VWF: variants seen among roughly 807,000 people sequenced by gnomAD.
The protein encoded by VWF is Factor VIII related antigen.
A neutral mutation model predicts 308.6 loss-of-function variants in VWF; 176 were observed. The observed-to-expected ratio is 0.57, with a 90% CI of 0.50 to 0.65. VWF has a LOEUF of 0.65. Ranked by LOEUF, VWF falls within the 30% of genes least tolerant of loss-of-function variation. The probability of loss-of-function intolerance (pLI) is 0.00; values close to 1 mark genes in which losing one functional copy is unlikely to be tolerated. For missense variants in VWF, 3,146 were observed against 3,648.2 expected, an observed-to-expected ratio of 0.86 and a Z score of 3.55; for synonymous variants, 1,385 against 1,443.4, an observed-to-expected ratio of 0.96 and a Z score of 0.92.
At position 6,075,268 on chromosome 12, in the gene VWF, A is replaced by G; in HGVS notation, c.874+67T>C. On this transcript the variant is annotated intron_variant, in intron 7 of 51. Transcript: ENST00000261405. The surrounding 1 kb of genome is among the most constrained non-coding windows in gnomAD (Gnocchi z 4.7). ...ACGTGACACAGCCCCGAAGCACCCTAAGGGACACCACCCAGGACAGACCGT... is the reference window on the plus strand; with the variant it reads ...ACGTGACACAGCCCCGAAGCACCCTGAGGGACACCACCCAGGACAGACCGT... 3 of 1,602,114 alleles carry G rather than the reference A, an allele frequency of 1.9e-6. No individual in the cohort carries two copies. Among genetic ancestry groups the G allele is most frequent in the Non-Finnish European group, 2.6e-6 (3 of 1,171,734 alleles).
At position 6,092,622 on chromosome 12, in the gene VWF, T is replaced by TGAGAGTGAGAGTGAGAGAGAGAGAGA. The variant is rs1403649370; in HGVS notation, c.657+2837_657+2838insTCTCTCTCTCTCTCACTCTCACTCTC. The stretch of plus-strand genomic sequence containing the variant: ...GCTAGTTAGTGAGTGAGTGAGAGTG[T>TGAGAGTGAGAGTGAGAGAGAGAGAGA]GTGTGTGTGTGTGTGTGTGTGTGTG... On this transcript the variant is annotated intron_variant, in intron 6 of 51. Transcript: ENST00000261405. Among the ~76,000 whole-genome samples the TGAGAGTGAGAGTGAGAGAGAGAGAGA allele has an allele frequency of 6.4e-4, 59 of 91,520 alleles. 2 individuals carry two copies. Among genetic ancestry groups the TGAGAGTGAGAGTGAGAGAGAGAGAGA allele is most frequent in the African/African-American group, 2.9e-3 (55 of 18,906 alleles). 60.0% of individuals were successfully genotyped at this position (91,520 alleles called of 152,430 possible).
At chr12:6,074,755 A>G (rs1051143665) in intron 7 of VWF, among the ~76,000 whole-genome samples, 2 of 152,198 alleles carry the variant, frequency 1.3e-5, no homozygotes, top group African/African-American at 4.8e-5. Context: ...TGACCTCAGA[A>G]GTCCCCACTT....
At position 6,075,682 on chromosome 12, in the gene VWF, T is replaced by C. The variant is rs1214252757; in HGVS notation, c.658-131A>G. The C allele has an allele frequency of 1.0e-5, 10 of 957,934 alleles. No individual in the cohort carries two copies. The highest frequency in any genetic ancestry group is 2.6e-5 in the East Asian group (1 of 38,250). The allele number at this position is 957,934 out of a possible 1,614,324, so 59.3% of individuals were successfully genotyped here. ...CTGGGACAGGCTGGCACCAAGCACATGCATGTGTTCAATGCACCAGCCCAT... is the reference window on the plus strand; with the variant it reads ...CTGGGACAGGCTGGCACCAAGCACACGCATGTGTTCAATGCACCAGCCCAT... On this transcript the variant is annotated intron_variant, in intron 6 of 51. Transcript: ENST00000261405. The surrounding 1 kb of genome is among the most constrained non-coding windows in gnomAD (Gnocchi z 4.7).
intron 10 of VWF, among the ~76,000 whole-genome samples, chr12:6,065,686 A>T (rs1289049091): frequency 6.6e-6 from 1 of 152,186 alleles, no homozygotes; most frequent in Non-Finnish European, 1.5e-5. Context: ...ATGCCTGGCC[A>T]GGGGGAGGCT....
intron 28 of VWF, among the ~76,000 whole-genome samples, chr12:6,017,336 A>G (rs1431268915): frequency 6.6e-6 from 1 of 152,220 alleles, no homozygotes; most frequent in Non-Finnish European, 1.5e-5. Flanking sequence ...ATAAATGCCT[A>G]GTGCTCCTGT....
chr12:6,020,001 A>G lies in VWF; in HGVS notation c.3675-258T>C, dbSNP rs1295706256. ...AGAAACCAAAGCTTTAGCCCATCCT[A>G]GGATATGAAAAAATATACTCGTTGT... is the stretch of plus-strand genomic sequence containing the variant. On this transcript the variant is annotated intron_variant, in intron 27 of 51. Transcript: ENST00000261405. The surrounding 1 kb of genome is among the most constrained non-coding windows in gnomAD (Gnocchi z 4.3). 1.3e-5 allele frequency among the ~76,000 whole-genome samples: 2 copies of G among 152,184 alleles called. No individual in the cohort carries two copies. The highest frequency in any genetic ancestry group is 2.9e-5 in the Non-Finnish European group (2 of 68,018).
Position 6,064,353 on chromosome 12 carries a change from C to A in VWF, c.1325G>T (p.Arg442Leu). ...GCCAGGCAGCCGGACGGTGACGGAG[C>A]GGGTGCACACAGCGTCGCGGTCATC... ...CADDRDAVCT[R>L]SVTVRLPGLH... The change falls in exon 12 of 52, where the codon CGC (arginine) becomes CTC (leucine). Residue 442 changes from arginine to leucine, a missense_variant. Arg to Leu is a moderately radical substitution (Grantham distance 102, BLOSUM62 -2). Transcript: ENST00000261405. The A allele has an allele frequency of 6.2e-7, 1 of 1,614,128 alleles. No individual in the cohort carries two copies. Among genetic ancestry groups the A allele is most frequent in the Non-Finnish European group, 8.5e-7 (1 of 1,180,036 alleles).
chr12:6,072,209 C>T (rs1944789227), intron 9 of VWF, 122 bp downstream of exon 9: 3 of 853,156 alleles, frequency 3.5e-6, no homozygotes, highest in Non-Finnish European at 5.8e-6. Context: ...GCCTCCAACT[C>T]AGTCTCTTCT....
intron 34 of VWF, among the ~76,000 whole-genome samples, chr12:6,004,406 A>G (rs1943905037): frequency 6.6e-6 from 1 of 152,132 alleles, no homozygotes; most frequent in African/African-American, 2.4e-5. Context: ...ACACTCAAAA[A>G]TGAGAATTGA....
chr12:6,004,660 A>G (rs1172625688), intron 34 of VWF, among the ~76,000 whole-genome samples: 21 of 151,996 alleles, frequency 1.4e-4, no homozygotes, highest in Non-Finnish European at 2.9e-4. Context: ...ACTCAATAAT[A>G]AAAGAATTCA....
chr12:5,952,207 C>T, intron 49 of VWF, 184 bp downstream of exon 49: 9 of 871,888 alleles, frequency 1.0e-5, no homozygotes, highest in African/African-American at 1.7e-5. Flanking sequence ...TTAAAACATC[C>T]TATATTGCAG....
intron 3 of VWF, among the ~76,000 whole-genome samples, chr12:6,111,577 G>A (rs1182738024): frequency 6.6e-6 from 1 of 152,030 alleles, no homozygotes; most frequent in East Asian, 1.9e-4. Flanking sequence ...ATCTCACCGT[G>A]TCGCCCAGGC....
rs537062939 is a variant in VWF at position 6,057,456 on chromosome 12, G to A, written c.1730-384C>T. Among the ~76,000 whole-genome samples, 18 of 146,194 alleles carry A rather than the reference G, an allele frequency of 1.2e-4. 2 individuals carry two copies. The South Asian group carries it at 3.9e-3, about 32-fold the overall frequency. Reference sequence around the variant, plus strand: ...AGCTCCCAAGTAGTTGGGATTACAGGCGCGCCCCACCACGCCCGGCAAATT... The same window carrying A: ...AGCTCCCAAGTAGTTGGGATTACAGACGCGCCCCACCACGCCCGGCAAATT... On this transcript the variant is annotated intron_variant, in intron 14 of 51. Transcript: ENST00000261405.
chr12:6,035,445 T>A (rs1944325262), intron 19 of VWF, among the ~76,000 whole-genome samples: 1 of 152,156 alleles, frequency 6.6e-6, no homozygotes, highest in South Asian at 2.1e-4. Context: ...CACTTGTGCG[T>A]CAGAGGTGGT....
At chr12:6,076,100 T>C (rs528262356) in intron 6 of VWF, among the ~76,000 whole-genome samples, 19 of 152,254 alleles carry the variant, frequency 1.2e-4, no homozygotes, top group South Asian at 2.1e-4. Flanking sequence ...CCCCAGGTGA[T>C]TGCTGGGGCC....
chr12:6,033,186 G>A lies in VWF; in HGVS notation c.2685+1502C>T, dbSNP rs565264434. 5.0e-3 allele frequency among the ~76,000 whole-genome samples: 763 copies of A among 152,368 alleles called. 4 individuals carry two copies. The highest frequency in any genetic ancestry group is 7.9e-3 in the Non-Finnish European group (536 of 68,040). ...TGGCGAAGGTTAAAAGAGGAAACAA[G>A]GGTGTAGGTGTTTTATTTGTCCTTA... is the stretch of plus-strand genomic sequence containing the variant. On this transcript the variant is annotated intron_variant, in intron 20 of 51. Coordinates refer to ENST00000261405, the MANE Select transcript of VWF (RefSeq NM_000552.5).
intron 6 of VWF, among the ~76,000 whole-genome samples, chr12:6,078,364 C>G (rs995344317): frequency 6.6e-6 from 1 of 152,158 alleles, no homozygotes. Context: ...GCAGAACTTC[C>G]CATCCTCACT....
chr12:5,968,132 T>C lies in VWF; in HGVS notation c.7765A>G (p.Ile2589Val). ...AGAAGAGGACAGCGGCTCACCCCAA[T>C]GACAGTGCCATTGAGCATGCAGGCC... ...MEACMLNGTVIGPGKTVMIDV... is the reference protein window; with the variant it reads ...MEACMLNGTVVGPGKTVMIDV... The change falls in exon 46 of 52, where the codon ATT becomes GTT. Residue 2589 changes from isoleucine (I) to valine (V), a missense_variant. By Grantham distance (29) the Ile-to-Val change is conservative. Transcript: ENST00000261405. 1.2e-6 allele frequency: 2 copies of C among 1,613,982 alleles called. No individual in the cohort carries two copies. The highest frequency in any genetic ancestry group is 1.1e-5 in the South Asian group (1 of 91,058).
chr12:5,992,188 G>C (rs189686075), intron 37 of VWF, among the ~76,000 whole-genome samples, 170 bp from the exon 38 acceptor site: 3 of 152,188 alleles, frequency 2.0e-5, no homozygotes, highest in African/African-American at 7.2e-5. Context: ...TTTAGGCTGG[G>C]CATATGACCA....
Sources: allele counts gnomAD v4.1 joint callset (sites outside exome capture counted in the v4.1 genomes callset), GRCh38; gene constraint gnomAD v4.1.1; non-coding constraint Gnocchi (gnomAD v3.1); transcripts MANE v1.5; gene names NCBI Gene and HGNC (gene_info 2026-07-23, HGNC 2026-07-21).